Variants in FGL1 observed in about 807,000 individuals in gnomAD.
The protein encoded by FGL1 is fibrinogen like 1.
Under a neutral mutation model 43.7 loss-of-function variants are expected in FGL1, and 59 were observed. That is an observed-to-expected ratio of 1.35 (90% CI 1.10 to 1.68). The LOEUF (loss-of-function observed/expected upper bound fraction) is 1.68. Among genes scored for constraint, FGL1 ranks in the 40% most tolerant of loss-of-function variants. The pLI is 0.00. For missense variants in FGL1, 596 were observed against 373.0 expected, an observed-to-expected ratio of 1.60 and a Z score of -4.92; for synonymous variants, 192 against 126.5, an observed-to-expected ratio of 1.52 and a Z score of -3.48.
intron 7 of FGL1, among the ~76,000 whole-genome samples, chr8:17,867,122 G>A (rs755842914): frequency 3.3e-5 from 5 of 152,172 alleles, no homozygotes; most frequent in Non-Finnish European, 7.3e-5. Context: ...TACAACAGCA[G>A]TAGTACTCCC....
chr8:17,891,496 G>A (rs1002247842), intron 1 of FGL1: 1 of 159,288 alleles, frequency 6.3e-6, no homozygotes, highest in Admixed American at 6.6e-5. Flanking sequence ...ATTGGATTAG[G>A]GTCTGCCCTA....
At position 17,868,559 on chromosome 8, in the gene FGL1, C is replaced by G. The variant is rs1204152517; in HGVS notation, c.768G>C (p.Trp256Cys). 1.2e-5 allele frequency: 19 copies of G among 1,611,412 alleles called. No individual in the cohort carries two copies. Among genetic ancestry groups the G allele is most frequent in the Non-Finnish European group, 1.6e-5 (19 of 1,179,050 alleles). Reference protein sequence around the residue: ...GNCAEEDQSGWWFNRCHSANL... With the variant: ...GNCAEEDQSGCWFNRCHSANL... ...ATAAGACATCAAACCTGTTAAACCA[C>G]CAGCCAGACTGATCTTCTTCTGCGC... The change falls in exon 7 of 8, where the codon TGG (tryptophan) becomes TGC (cysteine). Residue 256 changes from tryptophan to cysteine, a missense_variant. By Grantham distance (215) the Trp-to-Cys change is radical. Transcript: ENST00000427924.
chr8:17,869,892 G>C (rs1437185839), intron 5 of FGL1, among the ~76,000 whole-genome samples: 1 of 152,104 alleles, frequency 6.6e-6, no homozygotes, highest in Non-Finnish European at 1.5e-5. Flanking sequence ...GGCGGATCAC[G>C]AGGTCAGGAG....
At chr8:17,873,762 C>A (rs535175546) in intron 5 of FGL1, among the ~76,000 whole-genome samples, 108 of 149,492 alleles carry the variant, frequency 7.2e-4, no homozygotes, top group African/African-American at 2.6e-3. Flanking sequence ...GTATATATAT[C>A]TATAAATATA....
chr8:17,874,006 A>C lies in FGL1; in HGVS notation c.502+13T>G. 6.4e-7 allele frequency: 1 copy of C among 1,568,754 alleles called. No individual in the cohort carries two copies. Among genetic ancestry groups the C allele is most frequent in the Non-Finnish European group, 8.6e-7 (1 of 1,160,624 alleles). On this transcript the variant is annotated intron_variant, in intron 5 of 7. Transcript: ENST00000427924. The stretch of plus-strand genomic sequence containing the variant: ...TTATATTTCAAATAAATCTGACATC[A>C]TTCAAACCTTACCTTGAGTGGTCAA...
intron 3 of FGL1, among the ~76,000 whole-genome samples, chr8:17,880,404 T>G (rs2131722933): frequency 6.6e-6 from 1 of 152,378 alleles, no homozygotes; most frequent in South Asian, 2.1e-4. Flanking sequence ...TACACTTGTA[T>G]GATTAGAAGC....
intron 3 of FGL1, 56 bp from the exon 4 acceptor site, chr8:17,874,577 C>T (rs540820896): frequency 1.4e-6 from 2 of 1,393,666 alleles, no homozygotes; most frequent in South Asian, 1.3e-5. Context: ...CTCCCCCCGC[C>T]TTAGGGAGCC....
chr8:17,867,996 C>A (rs35361827), intron 7 of FGL1, among the ~76,000 whole-genome samples: 1 of 152,040 alleles, frequency 6.6e-6, no homozygotes, highest in Middle Eastern at 3.2e-3. Context: ...CAATCAAAAA[C>A]GGAATGAATT....
chr8:17,869,587 G>C (rs144742513), intron 5 of FGL1, among the ~76,000 whole-genome samples: 1 of 152,248 alleles, frequency 6.6e-6, no homozygotes, highest in East Asian at 1.9e-4. Context: ...GAAAACCTTC[G>C]TTTGATACTG....
At chr8:17,866,519 A>G (rs1398001385) in intron 7 of FGL1, among the ~76,000 whole-genome samples, 5 of 152,164 alleles carry the variant, frequency 3.3e-5, no homozygotes, top group African/African-American at 1.2e-4. Flanking sequence ...AAAACAATCT[A>G]CTTTCTCTCC....
Position 17,880,041 on chromosome 8 carries a change from T to C in FGL1, c.244+1958A>G, listed in dbSNP as rs527785917. 2.0e-5 allele frequency among the ~76,000 whole-genome samples: 3 copies of C among 152,294 alleles called. No individual in the cohort carries two copies. In the East Asian group the frequency reaches 5.8e-4, roughly 29 times the overall value. ...CTTTTGGGATCACTTATCTGTATGC[T>C]CATCCCTTAAACGATAGTCCGTTTG... On this transcript the variant is annotated intron_variant, in intron 3 of 7. Transcript: ENST00000427924.
intron 3 of FGL1, among the ~76,000 whole-genome samples, chr8:17,875,203 AG>A (rs2053426848): frequency 6.6e-6 from 1 of 152,198 alleles, no homozygotes; most frequent in African/African-American, 2.4e-5. Flanking sequence ...TTTAAGTTCT[AG>A]GGTACATGTG....
chr8:17,882,096 G>T lies in FGL1; in HGVS notation c.147C>A (p.Val49=), dbSNP rs748441190. ...LLETRVKQQQ[V]KIKQLLQENE... Reference sequence around the variant, plus strand: ...TCTCCTGCAAAAGCTGCTTGATCTTGACCTGTTGCTGTTTGACCCGGGTCT... The same window carrying T: ...TCTCCTGCAAAAGCTGCTTGATCTTTACCTGTTGCTGTTTGACCCGGGTCT... Residue 49 remains valine, a synonymous_variant, in exon 3 of 8, where the codon GTC becomes GTA. Transcript: ENST00000427924. 6.2e-7 allele frequency: 1 copy of T among 1,614,008 alleles called. No individual in the cohort carries two copies. The highest frequency in any genetic ancestry group is 1.1e-5 in the South Asian group (1 of 91,060).
intron 2 of FGL1, among the ~76,000 whole-genome samples, chr8:17,884,998 ATTAC>A (rs2053606343): frequency 1.3e-5 from 2 of 152,142 alleles, no homozygotes; most frequent in African/African-American, 4.8e-5. Context: ...ATTTTTAAAA[ATTAC>A]TTATTTATTA....
intron 3 of FGL1, among the ~76,000 whole-genome samples, chr8:17,874,829 G>C (rs2053420960): frequency 6.6e-6 from 1 of 151,806 alleles, no homozygotes; most frequent in East Asian, 1.9e-4. Flanking sequence ...ATGGGGGCGT[G>C]TCACTATATT....
At chr8:17,883,321 A>ATATAGC (rs2053577401) in intron 2 of FGL1, among the ~76,000 whole-genome samples, 1 of 109,236 alleles carries the variant, frequency 9.2e-6, no homozygotes, top group South Asian at 2.8e-4. Flanking sequence ...AACATATAAT[A>ATATAGC]ATATATAATA....
chr8:17,874,529 T>A lies in FGL1; in HGVS notation c.245-8A>T, dbSNP rs369694814. On this transcript the variant is annotated splice_region_variant and splice_polypyrimidine_tract_variant and intron_variant, in intron 3 of 7. Coordinates refer to ENST00000427924, the MANE Select transcript of FGL1 (RefSeq NM_004467.4). ...TGAAAATCTCTGAACAATCTGTTTT[T>A]AAAACAAGGTAATGTAACATTCATT... The A allele has an allele frequency of 1.2e-6, 2 of 1,601,750 alleles. No individual in the cohort carries two copies. Among genetic ancestry groups the A allele is most frequent in the Admixed American group, 3.4e-5 (2 of 58,668 alleles).
chr8:17,891,095 C>T (rs1471157322), intron 1 of FGL1, among the ~76,000 whole-genome samples: 1 of 152,144 alleles, frequency 6.6e-6, no homozygotes, highest in African/African-American at 2.4e-5. Context: ...ACTCCAACCG[C>T]CCTGTACAAT....
chr8:17,890,811 C>A (rs2053693551), intron 1 of FGL1, among the ~76,000 whole-genome samples: 1 of 152,046 alleles, frequency 6.6e-6, no homozygotes, highest in Non-Finnish European at 1.5e-5. Context: ...AAGCAAAAGC[C>A]CCTTATAAAA....
Sources: gnomAD v4.1 joint callset for allele counts (sites outside exome capture counted in the v4.1 genomes callset) on GRCh38, gnomAD v4.1.1 for gene constraint, MANE v1.5 for transcripts, NCBI Gene and HGNC (gene_info 2026-07-23, HGNC 2026-07-21) for gene names.